CAMTA1: variants seen among roughly 807,000 people sequenced by gnomAD.
CAMTA1 encodes the protein calmodulin binding transcription activator 1, also known as calmodulin-binding transcription activator 1.
In CAMTA1, 27 loss-of-function variants were observed where a neutral mutation model predicts 170.9. The ratio of observed to expected loss-of-function variants is 0.16; its 90% confidence interval spans 0.12 to 0.22. The LOEUF is 0.22. Ranked by LOEUF, CAMTA1 falls within the 10% of genes least tolerant of loss-of-function variation. CAMTA1 has a pLI of 1.00. For synonymous variants in CAMTA1, 833 were observed against 891.5 expected (o/e 0.93, Z 1.17); for missense variants, 1,619 against 2,217.2 (o/e 0.73, Z 5.42).
At position 7,769,074 on chromosome 1, in the gene CAMTA1, T is replaced by C. The variant is rs1194817518; in HGVS notation, c.*2583T>C. On this transcript the variant is annotated 3_prime_UTR_variant, in exon 23 of 23. Coordinates refer to ENST00000303635, the MANE Select transcript of CAMTA1 (RefSeq NM_015215.4). ...TAGAAAATGACAGATGGTAGAGACT[T>C]CCATAGAATTAAGAGGGTTCTCATG... 1 of 152,682 alleles carries C rather than the reference T, an allele frequency of 6.5e-6. No individual in the cohort carries two copies. Among genetic ancestry groups the C allele is most frequent in the Non-Finnish European group, 1.5e-5 (1 of 68,028 alleles). The allele number at this position is 152,682 out of a possible 1,614,324, so 9.5% of individuals were successfully genotyped here.
intron 4 of CAMTA1, among the ~76,000 whole-genome samples, chr1:7,130,880 T>C (rs773669560): frequency 6.6e-6 from 1 of 152,232 alleles, no homozygotes; most frequent in East Asian, 1.9e-4. Flanking sequence ...TAAAAGTTCT[T>C]TGCATATTTT....
At chr1:7,285,157 G>A (rs922157364) in intron 5 of CAMTA1, among the ~76,000 whole-genome samples, 91 of 152,194 alleles carry the variant, frequency 6.0e-4, no homozygotes, top group African/African-American at 2.1e-3. Flanking sequence ...TTGTTTACAG[G>A]CAGCTCACTT....
At chr1:7,530,250 CCTT>C (rs1159344433) in intron 6 of CAMTA1, among the ~76,000 whole-genome samples, 4 of 152,266 alleles carry the variant, frequency 2.6e-5, no homozygotes, top group African/African-American at 9.6e-5. Flanking sequence ...CCTCCTCCCT[CCTT>C]GATACAAACT....
chr1:7,275,274 A>G (rs760348300), intron 5 of CAMTA1, among the ~76,000 whole-genome samples: 1 of 152,092 alleles, frequency 6.6e-6, no homozygotes, highest in Non-Finnish European at 1.5e-5. Flanking sequence ...AAGTGCTTAC[A>G]CTATATTTAC....
intron 5 of CAMTA1, among the ~76,000 whole-genome samples, chr1:7,260,983 G>A (rs1434832253): frequency 6.6e-6 from 1 of 152,198 alleles, no homozygotes; most frequent in Non-Finnish European, 1.5e-5. Flanking sequence ...CTGCTGGTTT[G>A]CAGCTTAATG....
rs147585705 is a variant in CAMTA1, at chr1:7,333,793, C to A, written c.438+84167C>A. Among the ~76,000 whole-genome samples, 14 of 152,346 alleles carry A rather than the reference C, an allele frequency of 9.2e-5. No individual in the cohort carries two copies. The East Asian group carries it at 2.7e-3, about 29-fold the overall frequency. On this transcript the variant is annotated intron_variant, in intron 5 of 22. Transcript: ENST00000303635. This position sits in a 1 kb window ranked among gnomAD's most constrained non-coding sequence, Gnocchi z 4.4. ...TTAGATTTGCTTTGCCGTTTGCAGT[C>A]TCTTGAATAAAGCATTTTTGTAGCC...
chr1:7,236,218 T>C (rs1243414534), intron 4 of CAMTA1, among the ~76,000 whole-genome samples: 2 of 152,214 alleles, frequency 1.3e-5, no homozygotes, highest in African/African-American at 4.8e-5. Context: ...CCGTGGCTTC[T>C]TGAGGTTCCA....
chr1:7,033,569 GTTTA>G (rs373841612), intron 3 of CAMTA1, among the ~76,000 whole-genome samples: 12 of 125,384 alleles, frequency 9.6e-5, no homozygotes, highest in African/African-American at 3.6e-4. Context: ...CTGTGTACAT[GTTTA>G]TTCTTGTAAA....
At chr1:7,443,000 A>G (rs1322159748) in intron 5 of CAMTA1, among the ~76,000 whole-genome samples, 2 of 151,394 alleles carry the variant, frequency 1.3e-5, no homozygotes, top group Non-Finnish European at 3.0e-5. Context: ...TGTCCTTTCC[A>G]TCCCTGTCTT....
intron 5 of CAMTA1, among the ~76,000 whole-genome samples, chr1:7,442,388 A>G (rs2092566743): frequency 6.6e-6 from 1 of 152,152 alleles, no homozygotes; most frequent in Non-Finnish European, 1.5e-5. Context: ...TTCCCTAAAG[A>G]CAAAATTATT....
At chr1:7,670,433 A>T (rs1215280896) in intron 9 of CAMTA1, among the ~76,000 whole-genome samples, 1 of 152,056 alleles carries the variant, frequency 6.6e-6, no homozygotes, top group Non-Finnish European at 1.5e-5. Context: ...ACTCCCTACA[A>T]GAACTTCTGG....
chr1:7,468,037 C>T lies in CAMTA1; in HGVS notation c.510+136C>T, dbSNP rs146734233. The T allele has an allele frequency of 4.4e-5, 31 of 710,650 alleles. 1 individual carries two copies. The highest frequency in any genetic ancestry group is 3.5e-5 in the African/African-American group (2 of 56,688). 44.0% of individuals were successfully genotyped at this position (710,650 alleles called of 1,614,324 possible). ...CTGGTGAGCTTGCCTAGGGAGACTT[C>T]GGCTGTTGCGGCACTGAGGCCAGCT... On this transcript the variant is annotated intron_variant, in intron 6 of 22. Coordinates refer to ENST00000303635, the MANE Select transcript of CAMTA1 (RefSeq NM_015215.4).
At chr1:7,517,754 A>G (rs894745347) in intron 6 of CAMTA1, among the ~76,000 whole-genome samples, 1 of 151,924 alleles carries the variant, frequency 6.6e-6, no homozygotes, top group African/African-American at 2.4e-5. Flanking sequence ...GGCATCCCCC[A>G]TCAGGGAGAG....
At chr1:6,863,772 A>C (rs74787195) in intron 3 of CAMTA1, among the ~76,000 whole-genome samples, 6,172 of 152,302 alleles carry the variant, frequency 0.041, 232 homozygotes, top group African/African-American at 0.089. Flanking sequence ...CAGTACCAAC[A>C]CATTATTTAC....
intron 4 of CAMTA1, among the ~76,000 whole-genome samples, chr1:7,133,245 CT>C (rs1645363421): frequency 6.6e-6 from 1 of 152,156 alleles, no homozygotes; most frequent in Admixed American, 6.5e-5. Flanking sequence ...AACTTTTTAA[CT>C]GTACATTTAA....
intron 4 of CAMTA1, among the ~76,000 whole-genome samples, chr1:7,097,751 C>T (rs947960067): frequency 3.9e-5 from 6 of 152,136 alleles, no homozygotes; most frequent in Admixed American, 2.6e-4. Context: ...ATAAGCCAGA[C>T]GCAAAGAGCC....
In CAMTA1 at chr1:7,443,836, G is replaced by A. The variant is rs1359307048; in HGVS notation, c.439-23994G>A. On this transcript the variant is annotated intron_variant, in intron 5 of 22. Transcript: ENST00000303635. The surrounding 1 kb of genome is among the most constrained non-coding windows in gnomAD (Gnocchi z 4.1). ...ATATCCTGTCCAGGGTCCCAAGACA[G>A]CCTCTACAGGGGGTCCCAGCTGAGC... is the stretch of plus-strand genomic sequence containing the variant. 7.1e-6 allele frequency among the ~76,000 whole-genome samples: 1 copy of A among 141,522 alleles called. No individual in the cohort carries two copies. Among genetic ancestry groups the A allele is most frequent in the Non-Finnish European group, 1.6e-5 (1 of 61,550 alleles). 92.8% of individuals were successfully genotyped at this position (141,522 alleles called of 152,430 possible). A position where few individuals can be genotyped will look rare whatever the true frequency, so the allele number is the denominator to read the frequency against.
chr1:7,268,435 C>G (rs1401680356), intron 5 of CAMTA1, among the ~76,000 whole-genome samples: 1 of 152,154 alleles, frequency 6.6e-6, no homozygotes, highest in Admixed American at 6.5e-5. Context: ...GAACTGGGAA[C>G]CACTGTGAGC....
At chr1:6,812,363 T>C (rs1281077332) in intron 1 of CAMTA1, among the ~76,000 whole-genome samples, 1 of 152,210 alleles carries the variant, frequency 6.6e-6, no homozygotes, top group Non-Finnish European at 1.5e-5. Flanking sequence ...TGCTACCTTT[T>C]AGGATCGAAA....
Sources: gnomAD v4.1 joint callset for allele counts (sites outside exome capture counted in the v4.1 genomes callset) on GRCh38, gnomAD v4.1.1 for gene constraint, Gnocchi (gnomAD v3.1) non-coding constraint, MANE v1.5 for transcripts, NCBI Gene and HGNC (gene_info 2026-07-23, HGNC 2026-07-21) for gene names.